Variants in ENTREP1 observed in about 807,000 individuals in gnomAD.
The protein encoded by ENTREP1 is Friedreich ataxia region gene X123.
chr9:69,361,799 A>G, the ENTREP1 span, among the ~76,000 whole-genome samples: 1 of 152,128 alleles, frequency 6.6e-6, no homozygotes, highest in East Asian at 1.9e-4. Flanking sequence ...GGGATTCTGA[A>G]GAGTAAATCC....
chr9:69,334,775 C>CTTTTTT, the ENTREP1 span, among the ~76,000 whole-genome samples: 78 of 130,534 alleles, frequency 6.0e-4, no homozygotes, highest in Non-Finnish European at 9.5e-4. Flanking sequence ...CTTTCCTTTT[C>CTTTTTT]TTTTTTTTTT....
At chr9:69,330,370 T>G in the ENTREP1 span, among the ~76,000 whole-genome samples, 1 of 152,226 alleles carries the variant, frequency 6.6e-6, no homozygotes, top group Non-Finnish European at 1.5e-5. Flanking sequence ...TGTTTTTTAC[T>G]CCTCTCTGAG....
chr9:69,388,534 G>A, the ENTREP1 span: 1 of 1,067,814 alleles, frequency 9.4e-7, no homozygotes, highest in Non-Finnish European at 1.3e-6. Flanking sequence ...TCTTGTCCAA[G>A]GCAGAGTAAG....
chr9:69,340,625 ATGTGTGTG>A, the ENTREP1 span, among the ~76,000 whole-genome samples: 23 of 63,852 alleles, frequency 3.6e-4, no homozygotes, highest in South Asian at 1.9e-3. Flanking sequence ...GTGTGTGTGC[ATGTGTGTG>A]TGCGTGCATG....
chr9:69,385,967 T>C, the ENTREP1 span: 2 of 1,593,946 alleles, frequency 1.3e-6, no homozygotes, highest in Non-Finnish European at 1.7e-6. Context: ...TTCCCCAAGC[T>C]CTTCGCAGGG....
the ENTREP1 span, among the ~76,000 whole-genome samples, chr9:69,338,133 T>G: frequency 6.6e-6 from 1 of 152,280 alleles, no homozygotes; most frequent in African/African-American, 2.4e-5. Flanking sequence ...CTTTAATAAT[T>G]TTGGAAAGAA....
chr9:69,354,254 A>ATTTTTTT, the ENTREP1 span, among the ~76,000 whole-genome samples: 80 of 105,624 alleles, frequency 7.6e-4, 4 homozygotes, highest in South Asian at 1.3e-3. Context: ...CTATTGCAAC[A>ATTTTTTT]TTTTTTTTTT....
the ENTREP1 span, chr9:69,329,837 A>ACCGAG: frequency 5.9e-6 from 1 of 169,712 alleles, no homozygotes; most frequent in African/African-American, 7.5e-5. Context: ...TATGGGCGTT[A>ACCGAG]ATGTTAACTA....
the ENTREP1 span, chr9:69,336,231 A>G: frequency 6.3e-7 from 1 of 1,581,234 alleles, no homozygotes; most frequent in Non-Finnish European, 8.7e-7. Context: ...CTCTGGAATC[A>G]TAGGATTAAC....
chr9:69,368,278 T>C, the ENTREP1 span, among the ~76,000 whole-genome samples: 1 of 152,170 alleles, frequency 6.6e-6, no homozygotes, highest in Non-Finnish European at 1.5e-5. Context: ...GTTCCAGTTC[T>C]TAGAGGAAAG....
the ENTREP1 span, among the ~76,000 whole-genome samples, chr9:69,349,743 A>C: frequency 6.0e-4 from 91 of 152,348 alleles, no homozygotes; most frequent in African/African-American, 2.1e-3. Flanking sequence ...ATCATAGCTT[A>C]GTCAAGCTTA....
chr9:69,364,026 T>G, the ENTREP1 span, among the ~76,000 whole-genome samples: 1 of 152,186 alleles, frequency 6.6e-6, no homozygotes. Flanking sequence ...CCAGCTGCCA[T>G]AAATTCAGAT....
chr9:69,325,354 T>G, the ENTREP1 span: 1 of 1,170,566 alleles, frequency 8.5e-7, no homozygotes, highest in Non-Finnish European at 1.1e-6. Flanking sequence ...GCCCCGTGGC[T>G]GGGCTTTCGG....
chr9:69,331,413 T>A, the ENTREP1 span, among the ~76,000 whole-genome samples: 1 of 152,174 alleles, frequency 6.6e-6, no homozygotes, highest in Non-Finnish European at 1.5e-5. Context: ...GACTCTTCCC[T>A]GGGGTATCTC....
chr9:69,343,847 G>C, the ENTREP1 span, among the ~76,000 whole-genome samples: 1 of 152,118 alleles, frequency 6.6e-6, no homozygotes, highest in African/African-American at 2.4e-5. Flanking sequence ...TTTGGAGTTT[G>C]GCCTTTCTCA....
chr9:69,340,627 G>GCA, the ENTREP1 span, among the ~76,000 whole-genome samples: 85,775 of 118,688 alleles, frequency 0.72, 30,280 homozygotes, highest in South Asian at 0.76. Flanking sequence ...GTGTGTGCAT[G>GCA]TGTGTGTGCG....
At chr9:69,388,043 A>G in the ENTREP1 span, 42 of 1,591,260 alleles carry the variant, frequency 2.6e-5, no homozygotes, top group East Asian at 4.6e-5. Flanking sequence ...GTGCATGGCT[A>G]TCAGCATTTG....
the ENTREP1 span, chr9:69,329,662 T>C: frequency 1.0e-6 from 1 of 985,414 alleles, no homozygotes; most frequent in Non-Finnish European, 1.2e-6. Flanking sequence ...AGCTAAGAGA[T>C]GAGCCATCTT....
At chr9:69,351,163 A>G in the ENTREP1 span, among the ~76,000 whole-genome samples, 4 of 152,210 alleles carry the variant, frequency 2.6e-5, no homozygotes, top group Non-Finnish European at 5.9e-5. Context: ...TCTACAACTT[A>G]AACTCTGTTC....
Sources: gnomAD v4.1 joint callset for allele counts (sites outside exome capture counted in the v4.1 genomes callset) on GRCh38, gnomAD v4.1.1 for gene constraint, MANE v1.5 for transcripts, NCBI Gene and HGNC (gene_info 2026-07-23, HGNC 2026-07-21) for gene names.